DOK6: variants seen among roughly 807,000 people sequenced by gnomAD.
DOK6 encodes docking protein 6.
A neutral mutation model predicts 44.0 loss-of-function variants in DOK6; 22 were observed. The observed-to-expected ratio is 0.50, with a 90% confidence interval of 0.36 to 0.71. The LOEUF (loss-of-function observed/expected upper bound fraction) is 0.71, where lower values mean the gene tolerates loss of function less well. Ranked by LOEUF, DOK6 falls within the 30% of genes least tolerant of loss-of-function variation. DOK6 has a pLI of 0.00. For synonymous variants in DOK6, 166 were observed against 145.5 expected (o/e 1.14, Z -1.01); for missense variants, 340 against 416.4 (o/e 0.82, Z 1.60).
intron 2 of DOK6, among the ~76,000 whole-genome samples, chr18:69,568,169 GCT>G (rs1326481121): frequency 6.6e-6 from 1 of 152,168 alleles, no homozygotes; most frequent in African/African-American, 2.4e-5. Flanking sequence ...GACCACTCTG[GCT>G]CTCTTTCTTT....
chr18:69,450,845 C>T (rs1389467381), intron 1 of DOK6, among the ~76,000 whole-genome samples: 1 of 148,016 alleles, frequency 6.8e-6, no homozygotes, highest in East Asian at 2.0e-4. Context: ...AAATACTTTA[C>T]AGACAAGCAA....
At chr18:69,564,466 G>T (rs1599194817) in intron 1 of DOK6, 21 bp from the exon 2 acceptor site, 1 of 1,600,118 alleles carries the variant, frequency 6.2e-7, no homozygotes, top group Non-Finnish European at 8.6e-7. Flanking sequence ...TGGATAATGG[G>T]ATTCCTTTAT....
rs375121002 is a variant in DOK6 at position 69,627,588 on chromosome 18, G to A, written c.289+28090G>A. 4.6e-5 allele frequency among the ~76,000 whole-genome samples: 7 copies of A among 152,016 alleles called. No homozygotes were observed. The South Asian group carries it at 6.2e-4, about 13-fold the overall frequency. On this transcript the variant is annotated intron_variant, in intron 3 of 7. Coordinates refer to ENST00000382713, the MANE Select transcript of DOK6 (RefSeq NM_152721.6). ...TTCGGCCTCCCAAGTAGCTGGGACT[G>A]CAGGCGCCCGCCACCACACCCAGCT...
At chr18:69,524,699 T>G (rs1981781670) in intron 1 of DOK6, among the ~76,000 whole-genome samples, 1 of 151,960 alleles carries the variant, frequency 6.6e-6, no homozygotes, top group African/African-American at 2.4e-5. Context: ...AACCATTAAT[T>G]TTGAAGCCAC....
rs185988544 is a variant in DOK6 at position 69,432,995 on chromosome 18, G to A, written c.66+31685G>A. 2.0e-4 allele frequency among the ~76,000 whole-genome samples: 30 copies of A among 152,244 alleles called. No homozygotes were observed. In the East Asian group the frequency reaches 5.0e-3, roughly 25 times the overall value. On this transcript the variant is annotated intron_variant, in intron 1 of 7. Transcript: ENST00000382713. ...ATGGACATGTCTGCTTGACCTCAAAGCACAGTGATTTATTTGTTTTGATGG... is the reference window on the plus strand; with the variant it reads ...ATGGACATGTCTGCTTGACCTCAAAACACAGTGATTTATTTGTTTTGATGG...
At chr18:69,439,414 G>T (rs1568258121) in intron 1 of DOK6, among the ~76,000 whole-genome samples, 2 of 152,142 alleles carry the variant, frequency 1.3e-5, no homozygotes, top group Non-Finnish European at 2.9e-5. Context: ...TTGAAGCCAG[G>T]CATTGACTTC....
intron 2 of DOK6, among the ~76,000 whole-genome samples, chr18:69,570,270 A>T (rs1329854499): frequency 6.6e-6 from 1 of 152,180 alleles, no homozygotes; most frequent in Non-Finnish European, 1.5e-5. Context: ...GAAATCTTAA[A>T]TGGAAATTTT....
At chr18:69,480,376 A>G (rs1015032851) in intron 1 of DOK6, among the ~76,000 whole-genome samples, 3 of 152,134 alleles carry the variant, frequency 2.0e-5, no homozygotes, top group Non-Finnish European at 4.4e-5. Flanking sequence ...ATGAATCTTG[A>G]CTATAATATT....
At chr18:69,574,103 T>C (rs11872504) in intron 2 of DOK6, among the ~76,000 whole-genome samples, 47,212 of 151,810 alleles carry the variant, frequency 0.31, 7,710 homozygotes, top group East Asian at 0.56. Flanking sequence ...ATATGATGAA[T>C]GCAGTATGAT....
intron 1 of DOK6, among the ~76,000 whole-genome samples, chr18:69,505,262 A>T (rs948961578): frequency 1.3e-5 from 2 of 152,170 alleles, no homozygotes; most frequent in Non-Finnish European, 2.9e-5. Context: ...GTGGTTAAGC[A>T]AAAGTGGAGT....
intron 7 of DOK6, among the ~76,000 whole-genome samples, chr18:69,827,657 T>A (rs1313664142): frequency 6.6e-6 from 1 of 152,036 alleles, no homozygotes. Context: ...CACCACAGAA[T>A]AAAATTGTGC....
At chr18:69,781,998 C>T (rs558047855) in intron 7 of DOK6, among the ~76,000 whole-genome samples, 1 of 151,726 alleles carries the variant, frequency 6.6e-6, no homozygotes, top group African/African-American at 2.4e-5. Context: ...TAGCTTAGGG[C>T]AACTAAGAAA....
chr18:69,486,408 T>G (rs1413502892), intron 1 of DOK6, among the ~76,000 whole-genome samples: 4 of 152,100 alleles, frequency 2.6e-5, no homozygotes, highest in African/African-American at 4.8e-5. Context: ...AAGACAGTAG[T>G]GTGGGTTTTT....
chr18:69,428,528 C>T (rs973077825), intron 1 of DOK6, among the ~76,000 whole-genome samples: 1 of 151,720 alleles, frequency 6.6e-6, no homozygotes, highest in Non-Finnish European at 1.5e-5. Flanking sequence ...AATGTTGGGC[C>T]CCAATAAGGA....
intron 1 of DOK6, among the ~76,000 whole-genome samples, chr18:69,518,942 T>C (rs4553725): frequency 0.62 from 93,362 of 151,756 alleles, 29,389 homozygotes; most frequent in Non-Finnish European, 0.69. Context: ...ATAAAGTTAT[T>C]TTCTACTGGT....
chr18:69,763,743 G>T (rs1287691762), intron 7 of DOK6, among the ~76,000 whole-genome samples: 2 of 152,176 alleles, frequency 1.3e-5, no homozygotes, highest in African/African-American at 4.8e-5. Flanking sequence ...TTAGATGACA[G>T]GCTATACAGC....
At chr18:69,410,817 A>C (rs1213415115) in intron 1 of DOK6, among the ~76,000 whole-genome samples, 1 of 152,182 alleles carries the variant, frequency 6.6e-6, no homozygotes, top group South Asian at 2.1e-4. Flanking sequence ...TGAACAATGC[A>C]ATCATGATTT....
intron 3 of DOK6, among the ~76,000 whole-genome samples, chr18:69,641,072 T>C (rs1343453148): frequency 6.6e-6 from 1 of 151,882 alleles, no homozygotes; most frequent in African/African-American, 2.4e-5. Flanking sequence ...AAAAATTAGC[T>C]GAGCGTGGTG....
intron 5 of DOK6, among the ~76,000 whole-genome samples, chr18:69,732,675 A>T (rs1046206955): frequency 6.6e-6 from 1 of 152,200 alleles, no homozygotes; most frequent in Admixed American, 6.5e-5. Context: ...TGTGATTGTA[A>T]TTGTGCCATC....
Sources: allele counts gnomAD v4.1 joint callset (sites outside exome capture counted in the v4.1 genomes callset), GRCh38; gene constraint gnomAD v4.1.1; transcripts MANE v1.5; gene names NCBI Gene and HGNC (gene_info 2026-07-23, HGNC 2026-07-21).